FBLN7: variants seen among roughly 807,000 people sequenced by gnomAD.
FBLN7 encodes fibulin-7.
In FBLN7, 31 loss-of-function variants were observed where a neutral mutation model predicts 44.0. The ratio of observed to expected loss-of-function variants is 0.70; its 90% CI spans 0.53 to 0.95. The LOEUF is 0.95. Ranked by LOEUF, FBLN7 falls within the 40% of genes least tolerant of loss-of-function variation. The pLI, the probability that FBLN7 is intolerant of heterozygous loss-of-function variation, is 0.00. For missense variants in FBLN7, 573 were observed against 618.5 expected, an observed-to-expected ratio of 0.93 and a Z score of 0.78; for synonymous variants, 262 against 253.4, an observed-to-expected ratio of 1.03 and a Z score of -0.32.
Position 112,187,653 on chromosome 2 carries a change from GC to G in FBLN7, c.*151del. The G allele has an allele frequency of 1.8e-6, 2 of 1,094,340 alleles. No individual in the cohort carries two copies. Among genetic ancestry groups the G allele is most frequent in the Non-Finnish European group, 1.3e-6 (1 of 764,524 alleles). 67.8% of individuals were successfully genotyped at this position (1,094,340 alleles called of 1,614,324 possible). A position where few individuals can be genotyped will look rare whatever the true frequency, so the allele number is the denominator to read the frequency against. ...GGCTTCTAGGGCAGCGTTGCACGGC[GC>G]CCCATGGAATAGCACGGAAGAGCAG... On this transcript the variant is annotated 3_prime_UTR_variant, in exon 8 of 8. Coordinates refer to ENST00000331203, the MANE Select transcript of FBLN7 (RefSeq NM_153214.3). This position sits in a 1 kb window ranked among gnomAD's most constrained non-coding sequence, Gnocchi z 5.1.
Position 112,167,869 on chromosome 2 carries a change from CGTTAT to C in FBLN7, c.406+2747_406+2751del, listed in dbSNP as rs137969881. On this transcript the variant is annotated intron_variant, in intron 3 of 7. Coordinates refer to ENST00000331203, the MANE Select transcript of FBLN7 (RefSeq NM_153214.3). ...GTGTCATCTCTGTCCAGGAAAGACA[CGTTAT>C]GTTATGTTATGTTATGTTATGTTAT... 3.7e-3 allele frequency among the ~76,000 whole-genome samples: 495 copies of C among 132,922 alleles called. 8 individuals carry two copies. The highest frequency in any genetic ancestry group is 8.1e-3 in the East Asian group (36 of 4,440). The allele number at this position is 132,922 out of a possible 152,430, so 87.2% of individuals were successfully genotyped here. A position where few individuals can be genotyped will look rare whatever the true frequency, so the allele number is the denominator to read the frequency against.
At chr2:112,158,495 G>T (rs1681552185) in intron 1 of FBLN7, among the ~76,000 whole-genome samples, 1 of 151,808 alleles carries the variant, frequency 6.6e-6, no homozygotes, top group Non-Finnish European at 1.5e-5. Flanking sequence ...GAGTGCAGTG[G>T]TGCAGTCTCG....
chr2:112,171,291 G>C (rs1478724176), intron 3 of FBLN7, among the ~76,000 whole-genome samples: 1 of 152,096 alleles, frequency 6.6e-6, no homozygotes, highest in African/African-American at 2.4e-5. Flanking sequence ...ACGTGACTCA[G>C]GCAGAGACCT....
At chr2:112,186,555 A>G (rs1683278068) in intron 7 of FBLN7, among the ~76,000 whole-genome samples, 1 of 152,110 alleles carries the variant, frequency 6.6e-6, no homozygotes, top group African/African-American at 2.4e-5. Flanking sequence ...CAGGAGAATC[A>G]CTTGAGCCTG....
At chr2:112,176,012 T>A in intron 4 of FBLN7, 173 bp downstream of exon 4, 1 of 738,204 alleles carries the variant, frequency 1.4e-6, no homozygotes, top group Non-Finnish European at 2.0e-6. Context: ...GGTGGTCACT[T>A]GACAGAGCTT....
At chr2:112,149,094 G>A (rs1241858333) in intron 1 of FBLN7, among the ~76,000 whole-genome samples, 1 of 152,176 alleles carries the variant, frequency 6.6e-6, no homozygotes, top group Non-Finnish European at 1.5e-5. Context: ...GTGATGGGGA[G>A]GTTCTCCTGG....
At chr2:112,226,212 C>T in the FBLN7 span, among the ~76,000 whole-genome samples, 2 of 150,882 alleles carry the variant, frequency 1.3e-5, no homozygotes, top group Admixed American at 1.3e-4. Flanking sequence ...TACAAATTAC[C>T]AAAGCTGTTT....
chr2:112,237,564 A>C, the FBLN7 span, among the ~76,000 whole-genome samples: 1 of 148,456 alleles, frequency 6.7e-6, no homozygotes, highest in East Asian at 1.9e-4. Context: ...AAAAAATGAC[A>C]GCATTAAAAT....
chr2:112,238,592 A>C, the FBLN7 span: 1 of 1,351,552 alleles, frequency 7.4e-7, no homozygotes, highest in Non-Finnish European at 1.0e-6. Flanking sequence ...CTGGCTATAC[A>C]GAAGAAACAA....
In FBLN7 at chr2:112,138,639, G is replaced by A; in HGVS notation, c.-17G>A. 1 of 1,613,762 alleles carries A rather than the reference G, an allele frequency of 6.2e-7. No homozygotes were observed. Among genetic ancestry groups the A allele is most frequent in the Middle Eastern group, 1.7e-4 (1 of 5,982 alleles). On this transcript the variant is annotated 5_prime_UTR_variant, in exon 1 of 8. Transcript: ENST00000331203. ...AAGTTATTTCCCCTCCCAGGCAGCGGGATTCCGACTGGCAAGATGGTGCCC... is the reference window on the plus strand; with the variant it reads ...AAGTTATTTCCCCTCCCAGGCAGCGAGATTCCGACTGGCAAGATGGTGCCC...
chr2:112,208,566 CCTT>C, the FBLN7 span, among the ~76,000 whole-genome samples: 2 of 152,252 alleles, frequency 1.3e-5, no homozygotes, highest in East Asian at 3.9e-4. Context: ...TCCACTTCTT[CCTT>C]CTTGTTTTAC....
intron 3 of FBLN7, among the ~76,000 whole-genome samples, chr2:112,174,905 A>G (rs1682657544): frequency 6.6e-6 from 1 of 151,664 alleles, no homozygotes; most frequent in Non-Finnish European, 1.5e-5. Context: ...TAAAACAATC[A>G]TTTTTTTTCT....
chr2:112,168,106 G>A (rs1054651090), intron 3 of FBLN7, among the ~76,000 whole-genome samples: 11 of 152,098 alleles, frequency 7.2e-5, no homozygotes, highest in African/African-American at 1.9e-4. Context: ...GACCTTTCCC[G>A]TGGTCCAACG....
At chr2:112,181,079 A>G (rs1457117319) in intron 4 of FBLN7, among the ~76,000 whole-genome samples, 2 of 152,142 alleles carry the variant, frequency 1.3e-5, no homozygotes, top group East Asian at 1.9e-4. Context: ...GCAAACTAAC[A>G]TAGGAACAGA....
At chr2:112,160,773 GACGCACACGCACGCACA>G (rs1681790437) in intron 2 of FBLN7, among the ~76,000 whole-genome samples, 2 of 22,070 alleles carry the variant, frequency 9.1e-5, no homozygotes, top group African/African-American at 4.4e-4. Context: ...CGCACACGCA[GACGCACACGCACGCACA>G]CGCACACACG....
the FBLN7 span, among the ~76,000 whole-genome samples, chr2:112,229,228 T>C: frequency 2.6e-5 from 4 of 152,024 alleles, no homozygotes; most frequent in Non-Finnish European, 4.4e-5. Context: ...GCTTGGGAGA[T>C]TGGTTATCCA....
intron 2 of FBLN7, among the ~76,000 whole-genome samples, chr2:112,163,193 G>A (rs573334134): frequency 3.9e-5 from 6 of 152,266 alleles, no homozygotes; most frequent in East Asian, 1.9e-4. Flanking sequence ...GGTTGTGTCC[G>A]GCCCAGGTGG....
intron 3 of FBLN7, among the ~76,000 whole-genome samples, chr2:112,170,603 C>A (rs1198560562): frequency 6.6e-6 from 1 of 151,210 alleles, no homozygotes; most frequent in Non-Finnish European, 1.5e-5. Flanking sequence ...AAGAATTTGG[C>A]ACAATTGAAG....
At chr2:112,240,443 T>C in the FBLN7 span, 4 of 152,218 alleles carry the variant, frequency 2.6e-5, no homozygotes, top group African/African-American at 9.6e-5. Context: ...GCAGCTCCTA[T>C]GAAGTTTAGC....
Sources: allele counts gnomAD v4.1 joint callset (sites outside exome capture counted in the v4.1 genomes callset), GRCh38; gene constraint gnomAD v4.1.1; non-coding constraint Gnocchi (gnomAD v3.1); transcripts MANE v1.5; gene names NCBI Gene and HGNC (gene_info 2026-07-23, HGNC 2026-07-21).